SLC13A1: variants seen among roughly 807,000 people sequenced by gnomAD.
The protein encoded by SLC13A1 is Na(+)/sulfate cotransporter.
A neutral mutation model predicts 70.0 loss-of-function variants in SLC13A1; 65 were observed. That is an observed-to-expected ratio of 0.93 (90% CI 0.76 to 1.14). The LOEUF is 1.14. SLC13A1 is among the 50% of genes most tolerant of loss of function. The pLI is 0.00. For missense variants in SLC13A1, 726 were observed against 717.8 expected, an observed-to-expected ratio of 1.01 and a Z score of -0.13; for synonymous variants, 275 against 250.5, an observed-to-expected ratio of 1.10 and a Z score of -0.92.
intron 2 of SLC13A1, among the ~76,000 whole-genome samples, chr7:123,177,514 C>A (rs946384906): frequency 2.6e-5 from 4 of 152,156 alleles, no homozygotes; most frequent in African/African-American, 9.7e-5. Context: ...CAATGGACTA[C>A]TTTGACCCTA....
At position 123,149,490 on chromosome 7, in the gene SLC13A1, A is replaced by G. The variant is rs559800649; in HGVS notation, c.661-2180T>C. 3.7e-4 allele frequency: 167 copies of G among 456,526 alleles called. No individual in the cohort carries two copies. The East Asian group carries it at 7.8e-3, about 21-fold the overall frequency. The allele number at this position is 456,526 out of a possible 1,614,324, so 28.3% of individuals were successfully genotyped here. A position where few individuals can be genotyped will look rare whatever the true frequency, so the allele number is the denominator to read the frequency against. On this transcript the variant is annotated intron_variant, in intron 6 of 14. Transcript: ENST00000194130. ...CCCTTCTTTCGACTGTGATGGTACA[A>G]GTGGCAGGGGGTTGGGGCACTGGGG...
At chr7:123,181,886 T>C (rs1168684077) in intron 1 of SLC13A1, among the ~76,000 whole-genome samples, 2 of 152,270 alleles carry the variant, frequency 1.3e-5, no homozygotes, top group East Asian at 3.9e-4. Context: ...CTGAGTTGCA[T>C]TTGAAAAATT....
At chr7:123,149,675 C>G (rs1794487669) in intron 6 of SLC13A1, 1 of 454,238 alleles carries the variant, frequency 2.2e-6, no homozygotes, top group African/African-American at 2.0e-5. Flanking sequence ...TATAGTTACT[C>G]AGGGGTAGAA....
chr7:123,127,445 T>G (rs1793598955), intron 10 of SLC13A1, among the ~76,000 whole-genome samples: 1 of 152,058 alleles, frequency 6.6e-6, no homozygotes, highest in African/African-American at 2.4e-5. Flanking sequence ...AGATAAAGAC[T>G]CTCCCTGTCT....
chr7:123,198,391 GTTATTA>G (rs201643225), intron 1 of SLC13A1, among the ~76,000 whole-genome samples: 1 of 151,580 alleles, frequency 6.6e-6, no homozygotes, highest in East Asian at 2.0e-4. Flanking sequence ...AGGTCTTTTA[GTTATTA>G]TTATTATTTA....
intron 7 of SLC13A1, 135 bp downstream of exon 7, chr7:123,147,024 T>C (rs972441998): frequency 1.1e-5 from 9 of 815,348 alleles, no homozygotes; most frequent in Admixed American, 2.8e-5. Flanking sequence ...TGTAGATCTA[T>C]AGATGTCCTG....
chr7:123,171,665 A>T, intron 3 of SLC13A1, 103 bp downstream of exon 3: 3 of 1,166,552 alleles, frequency 2.6e-6, no homozygotes, highest in Non-Finnish European at 3.8e-6. Context: ...TCAGACTGTG[A>T]TACAAAGAAT....
intron 8 of SLC13A1, 83 bp from the exon 9 acceptor site, chr7:123,129,564 T>A (rs781560507): frequency 8.2e-5 from 79 of 961,794 alleles, no homozygotes; most frequent in Non-Finnish European, 1.2e-4. Flanking sequence ...TAAAACGTTG[T>A]CATCTTCACG....
At chr7:123,185,389 G>T (rs1369602737) in intron 1 of SLC13A1, among the ~76,000 whole-genome samples, 1 of 151,944 alleles carries the variant, frequency 6.6e-6, no homozygotes, top group African/African-American at 2.4e-5. Flanking sequence ...CCCCTGTTTT[G>T]TATTCTAGTA....
At chr7:123,176,813 C>T (rs1439390053) in intron 2 of SLC13A1, among the ~76,000 whole-genome samples, 1 of 152,120 alleles carries the variant, frequency 6.6e-6, no homozygotes, top group African/African-American at 2.4e-5. Flanking sequence ...ATAACCTTTT[C>T]TTCTTAGTCT....
At chr7:123,171,471 T>C (rs1333561859) in intron 3 of SLC13A1, among the ~76,000 whole-genome samples, 1 of 152,200 alleles carries the variant, frequency 6.6e-6, no homozygotes, top group Non-Finnish European at 1.5e-5. Context: ...ATCAATCTTG[T>C]CTGTTGAGGT....
intron 10 of SLC13A1, among the ~76,000 whole-genome samples, chr7:123,128,532 G>A (rs1026470592): frequency 6.6e-6 from 1 of 152,060 alleles, no homozygotes; most frequent in Non-Finnish European, 1.5e-5. Flanking sequence ...ACAGAACATA[G>A]CCTTTGTGCT....
chr7:123,181,409 C>T (rs1477419046), intron 1 of SLC13A1, among the ~76,000 whole-genome samples: 1 of 152,128 alleles, frequency 6.6e-6, no homozygotes, highest in East Asian at 1.9e-4. Context: ...TTTCTACTCA[C>T]TTTCCTTTGG....
intron 7 of SLC13A1, among the ~76,000 whole-genome samples, chr7:123,142,660 G>GAGTGTTACTCTATTGCCC (rs140530822): frequency 7.5e-6 from 1 of 132,696 alleles, no homozygotes; most frequent in Admixed American, 7.4e-5. Flanking sequence ...TTTTTTGATG[G>GAGTGTTACTCTATTGCCC]AGGCTGGAGT....
chr7:123,127,423 G>A (rs144813951), intron 10 of SLC13A1, among the ~76,000 whole-genome samples: 137 of 152,096 alleles, frequency 9.0e-4, no homozygotes, highest in African/African-American at 3.1e-3. Context: ...TAATTCTTAC[G>A]CACTGGTGTT....
At chr7:123,169,114 T>C in intron 4 of SLC13A1, 34 bp downstream of exon 4, 1 of 1,601,636 alleles carries the variant, frequency 6.2e-7, no homozygotes, top group Non-Finnish European at 8.6e-7. Context: ...CTCTAATGAC[T>C]AGACCCCAGA....
chr7:123,185,497 G>T (rs941758556), intron 1 of SLC13A1, among the ~76,000 whole-genome samples: 1 of 151,986 alleles, frequency 6.6e-6, no homozygotes. Flanking sequence ...TTCTTCTGCA[G>T]GTGGATATTT....
chr7:123,153,958 TG>T lies in SLC13A1; in HGVS notation c.661-6649del, dbSNP rs200790762. Among the ~76,000 whole-genome samples the T allele has an allele frequency of 4.3e-3, 655 of 152,218 alleles. 6 individuals are homozygous for T. Among genetic ancestry groups the T allele is most frequent in the Admixed American group, 0.012 (177 of 15,270 alleles). On this transcript the variant is annotated intron_variant, in intron 6 of 14. Coordinates refer to ENST00000194130, the MANE Select transcript of SLC13A1 (RefSeq NM_022444.4). ...AGCTTAGTGGTATCTTCCACCTTCT[TG>T]ATACTTTTTGTAACTTTTATTGCCA...
At chr7:123,163,629 A>T (rs557948881) in intron 6 of SLC13A1, among the ~76,000 whole-genome samples, 6 of 152,092 alleles carry the variant, frequency 3.9e-5, no homozygotes, top group Non-Finnish European at 5.9e-5. Context: ...GATAAATTTT[A>T]GTTACAAAAC....
Sources: gnomAD v4.1 joint callset for allele counts (sites outside exome capture counted in the v4.1 genomes callset) on GRCh38, gnomAD v4.1.1 for gene constraint, MANE v1.5 for transcripts, NCBI Gene and HGNC (gene_info 2026-07-23, HGNC 2026-07-21) for gene names.